Variants in LYPLAL1 observed in about 807,000 individuals in gnomAD.
LYPLAL1 encodes the protein lysophospholipase like 1.
Under a neutral mutation model 19.7 loss-of-function variants are expected in LYPLAL1, and 23 were observed. The ratio of observed to expected loss-of-function variants is 1.17; its 90% CI spans 0.84 to 1.65. LYPLAL1 has a LOEUF of 1.65. Among genes scored for constraint, LYPLAL1 ranks in the 40% most tolerant of loss-of-function variants. LYPLAL1 has a pLI of 0.00. For missense variants in LYPLAL1, 355 were observed against 279.4 expected (o/e 1.27, Z -1.93); for synonymous variants, 119 against 96.3 (o/e 1.24, Z -1.38).
chr1:219,317,748 G>A, the LYPLAL1 span, among the ~76,000 whole-genome samples: 1 of 152,274 alleles, frequency 6.6e-6, no homozygotes, highest in South Asian at 2.1e-4. Flanking sequence ...AATCCTGATA[G>A]TATACTCCTG....
chr1:219,199,486 A>G (rs957998980), intron 3 of LYPLAL1, among the ~76,000 whole-genome samples: 1 of 151,350 alleles, frequency 6.6e-6, no homozygotes, highest in Non-Finnish European at 1.5e-5. Flanking sequence ...TGGCCCGCCC[A>G]AGCTGGAGTG....
chr1:219,302,675 G>T, the LYPLAL1 span, among the ~76,000 whole-genome samples: 1 of 152,152 alleles, frequency 6.6e-6, no homozygotes, highest in African/African-American at 2.4e-5. Context: ...TGCCTAGTGT[G>T]GGGCACACCT....
At chr1:219,244,507 G>A in the LYPLAL1 span, among the ~76,000 whole-genome samples, 1 of 152,218 alleles carries the variant, frequency 6.6e-6, no homozygotes, top group African/African-American at 2.4e-5. Context: ...AGCATCATCA[G>A]CTTTCTCAGT....
rs1460267094 is a variant in LYPLAL1 at position 219,193,090 on chromosome 1, C to G, written c.200C>G (p.Thr67Ser). ...IYPTAPPRSY[T>S]PMKGGISNVW... Reference sequence around the variant, plus strand: ...GGGCGGTTGTTAAACAGATCATATACTCCTATGAAAGGAGGAATCTCCAAT... The same window carrying G: ...GGGCGGTTGTTAAACAGATCATATAGTCCTATGAAAGGAGGAATCTCCAAT... The change falls in exon 3 of 5, where the codon ACT becomes AGT. Residue 67 changes from threonine (T) to serine (S), a missense_variant. Physicochemically the swap from Thr to Ser is moderately conservative, Grantham distance 58. Transcript: ENST00000366928. 1 of 1,530,004 alleles carries G rather than the reference C, an allele frequency of 6.5e-7. No homozygotes were observed. Among genetic ancestry groups the G allele is most frequent in the Admixed American group, 1.7e-5 (1 of 57,692 alleles). The allele number at this position is 1,530,004 out of a possible 1,614,324, so 94.8% of individuals were successfully genotyped here.
chr1:219,263,748 C>T, the LYPLAL1 span, among the ~76,000 whole-genome samples: 1 of 152,122 alleles, frequency 6.6e-6, no homozygotes, highest in Non-Finnish European at 1.5e-5. Flanking sequence ...TGCTCAGCTC[C>T]CTAAATTTGT....
the LYPLAL1 span, among the ~76,000 whole-genome samples, chr1:219,309,067 TC>T: frequency 6.6e-6 from 1 of 152,228 alleles, no homozygotes; most frequent in African/African-American, 2.4e-5. Context: ...ACCTCTTGCA[TC>T]AGCTGACCTG....
At chr1:219,365,654 G>C in the LYPLAL1 span, among the ~76,000 whole-genome samples, 1 of 152,070 alleles carries the variant, frequency 6.6e-6, no homozygotes, top group Non-Finnish European at 1.5e-5. Flanking sequence ...TTTCTTGACA[G>C]TATTCCACAA....
At chr1:219,187,382 T>C (rs377506790) in intron 2 of LYPLAL1, among the ~76,000 whole-genome samples, 2 of 151,642 alleles carry the variant, frequency 1.3e-5, no homozygotes, top group Admixed American at 1.3e-4. Context: ...CTGTGTTGAT[T>C]TAGATGGAAA....
chr1:219,368,010 G>A, the LYPLAL1 span, among the ~76,000 whole-genome samples: 1 of 150,068 alleles, frequency 6.7e-6, no homozygotes, highest in African/African-American at 2.5e-5. Flanking sequence ...ATAAGCTGAA[G>A]TAAGAACTAT....
rs373327129 is a variant in LYPLAL1, at chr1:219,209,186, T to C, written c.362-1346T>C. On this transcript the variant is annotated intron_variant, in intron 3 of 4. Coordinates refer to ENST00000366928, the MANE Select transcript of LYPLAL1 (RefSeq NM_138794.5). The stretch of plus-strand genomic sequence containing the variant: ...GGGCTACTGCTACGATAAGAACTTA[T>C]TATTTCTTGCTGGTATGTTGAAAAT... 2.8e-4 allele frequency among the ~76,000 whole-genome samples: 43 copies of C among 152,222 alleles called. No homozygotes were observed. In the East Asian group the frequency reaches 3.7e-3, roughly 13 times the overall value.
At chr1:219,375,401 G>C in the LYPLAL1 span, among the ~76,000 whole-genome samples, 1 of 150,800 alleles carries the variant, frequency 6.6e-6, no homozygotes, top group Non-Finnish European at 1.5e-5. Flanking sequence ...GGGAGGCGGA[G>C]GTTGCAGTGA....
the LYPLAL1 span, among the ~76,000 whole-genome samples, chr1:219,229,372 GCT>G: frequency 6.7e-6 from 1 of 150,286 alleles, no homozygotes; most frequent in South Asian, 2.1e-4. Flanking sequence ...ACCACGCAGA[GCT>G]TGGCTGGGGC....
At chr1:219,181,103 A>T (rs1007795888) in intron 2 of LYPLAL1, among the ~76,000 whole-genome samples, 4 of 152,086 alleles carry the variant, frequency 2.6e-5, no homozygotes, top group Non-Finnish European at 5.9e-5. Context: ...TTAATAATAT[A>T]TTTTATTTAA....
chr1:219,358,924 G>C, the LYPLAL1 span, among the ~76,000 whole-genome samples: 1 of 152,124 alleles, frequency 6.6e-6, no homozygotes, highest in South Asian at 2.1e-4. Context: ...ATGCCCACAA[G>C]ATTCAGTAGC....
the LYPLAL1 span, among the ~76,000 whole-genome samples, chr1:219,256,362 T>C: frequency 6.6e-6 from 1 of 151,984 alleles, no homozygotes; most frequent in African/African-American, 2.4e-5. Flanking sequence ...TTTCTCTTAT[T>C]ATATTTTGAA....
the LYPLAL1 span, among the ~76,000 whole-genome samples, chr1:219,397,703 T>C: frequency 3.3e-5 from 5 of 152,212 alleles, no homozygotes. Flanking sequence ...AATCTTTCCT[T>C]TCTATATTTA....
chr1:219,343,558 A>G, the LYPLAL1 span, among the ~76,000 whole-genome samples: 1 of 152,174 alleles, frequency 6.6e-6, no homozygotes, highest in Non-Finnish European at 1.5e-5. Flanking sequence ...TACTCTTTTT[A>G]CCACTTTCAA....
At chr1:219,226,572 C>A in the LYPLAL1 span, among the ~76,000 whole-genome samples, 2 of 149,612 alleles carry the variant, frequency 1.3e-5, no homozygotes, top group Non-Finnish European at 3.0e-5. Flanking sequence ...GATGTGAAAT[C>A]TCTTTGGAAT....
chr1:219,292,178 T>G, the LYPLAL1 span, among the ~76,000 whole-genome samples: 1 of 152,158 alleles, frequency 6.6e-6, no homozygotes, highest in African/African-American at 2.4e-5. Flanking sequence ...AAATCTCAGC[T>G]GACGGGACAG....
Sources: allele counts gnomAD v4.1 joint callset (sites outside exome capture counted in the v4.1 genomes callset), GRCh38; gene constraint gnomAD v4.1.1; transcripts MANE v1.5; gene names NCBI Gene and HGNC (gene_info 2026-07-23, HGNC 2026-07-21).